The following MCF2L2 variants were observed in gnomAD, a reference collection of about 807,000 sequenced individuals.
MCF2L2 encodes the protein MCF.2 cell line derived transforming sequence-like 2.
Under a neutral mutation model 150.2 loss-of-function variants are expected in MCF2L2, and 102 were observed. The observed-to-expected ratio is 0.68, with a 90% CI of 0.58 to 0.80. MCF2L2 has a LOEUF of 0.80. MCF2L2 is among the 30% of genes least tolerant of loss of function. The pLI is 0.00. For missense variants in MCF2L2, 1,256 were observed against 1,372.8 expected (o/e 0.91, Z 1.34); for synonymous variants, 465 against 491.3 (o/e 0.95, Z 0.71).
intron 3 of MCF2L2, among the ~76,000 whole-genome samples, chr3:183,350,924 T>C (rs1731090566): frequency 6.6e-6 from 1 of 151,292 alleles, no homozygotes; most frequent in African/African-American, 2.4e-5. Context: ...AAAAGAGTCA[T>C]TAGAAGTCTT....
intron 15 of MCF2L2, among the ~76,000 whole-genome samples, chr3:183,234,687 C>G (rs76398763): frequency 1.2e-5 from 1 of 84,248 alleles, no homozygotes; most frequent in Non-Finnish European, 2.2e-5. Flanking sequence ...ATGTATGACT[C>G]TTTTTTTTTT....
At chr3:183,382,059 T>TATG (rs1187683748) in intron 2 of MCF2L2, among the ~76,000 whole-genome samples, 1 of 151,326 alleles carries the variant, frequency 6.6e-6, no homozygotes, top group African/African-American at 2.4e-5. Flanking sequence ...CTTTTATTAT[T>TATG]ATTATTATTA....
chr3:183,279,350 A>C (rs1281229742), intron 14 of MCF2L2, among the ~76,000 whole-genome samples: 5 of 152,206 alleles, frequency 3.3e-5, no homozygotes, highest in Admixed American at 3.3e-4. Flanking sequence ...GAGCATATTC[A>C]AGTAAAACCT....
At chr3:183,193,353 C>CTTTTTTT (rs1270176096) in intron 26 of MCF2L2, among the ~76,000 whole-genome samples, 1 of 109,338 alleles carries the variant, frequency 9.1e-6, no homozygotes, top group African/African-American at 5.2e-5. Flanking sequence ...TTTTCTTTTT[C>CTTTTTTT]TTTCTTTTTT....
intron 5 of MCF2L2, among the ~76,000 whole-genome samples, chr3:183,323,965 G>A (rs1729923199): frequency 1.3e-5 from 2 of 152,148 alleles, no homozygotes; most frequent in African/African-American, 4.8e-5. Context: ...TGCTTTACGT[G>A]AATTTTCAGT....
At chr3:183,223,463 A>G (rs1723218534) in intron 19 of MCF2L2, 25 bp from the exon 20 acceptor site, 1 of 1,544,620 alleles carries the variant, frequency 6.5e-7, no homozygotes, top group Non-Finnish European at 9.0e-7. Flanking sequence ...TAGAAACAAC[A>G]TAAAGCAAAA....
chr3:183,245,176 A>G (rs1382740625), intron 15 of MCF2L2, among the ~76,000 whole-genome samples: 5 of 152,202 alleles, frequency 3.3e-5, no homozygotes, highest in African/African-American at 1.2e-4. Flanking sequence ...ACAATAAATG[A>G]AACAAAGGTC....
chr3:183,363,188 G>A (rs2108568621), intron 3 of MCF2L2, among the ~76,000 whole-genome samples: 1 of 152,334 alleles, frequency 6.6e-6, no homozygotes, highest in South Asian at 2.1e-4. Context: ...GTTCACTGCT[G>A]GTGGGAATGC....
chr3:183,395,207 T>G (rs1425981902), intron 1 of MCF2L2, among the ~76,000 whole-genome samples: 1 of 152,264 alleles, frequency 6.6e-6, no homozygotes, highest in African/African-American at 2.4e-5. Flanking sequence ...TGGCATAGAC[T>G]GTGATGTTTT....
chr3:183,415,510 C>T (rs1715543642), intron 1 of MCF2L2, among the ~76,000 whole-genome samples: 1 of 152,022 alleles, frequency 6.6e-6, no homozygotes, highest in Non-Finnish European at 1.5e-5. Flanking sequence ...TCTATGTCTC[C>T]TTTCAATTCT....
At chr3:183,391,651 A>C (rs1197354326) in intron 1 of MCF2L2, among the ~76,000 whole-genome samples, 1 of 152,206 alleles carries the variant, frequency 6.6e-6, no homozygotes, top group Non-Finnish European at 1.5e-5. Context: ...CAAAATGTGG[A>C]TAATTATTGA....
rs1724997605 is a variant in MCF2L2, at chr3:183,255,834, C to T, written c.1862+21038G>A. 3.3e-5 allele frequency among the ~76,000 whole-genome samples: 5 copies of T among 149,974 alleles called. No homozygotes were observed. The South Asian group carries it at 1.0e-3, about 31-fold the overall frequency. On this transcript the variant is annotated intron_variant, in intron 15 of 29. Transcript: ENST00000328913. ...AAAAAAAAAAAAAAGAAAAAGAAAACTTTCTAATTCTCAAAAATAGAACAG... is the reference window on the plus strand; with the variant it reads ...AAAAAAAAAAAAAAGAAAAAGAAAATTTTCTAATTCTCAAAAATAGAACAG...
intron 14 of MCF2L2, among the ~76,000 whole-genome samples, chr3:183,277,564 C>T (rs1221780839): frequency 1.3e-5 from 2 of 151,816 alleles, no homozygotes; most frequent in Admixed American, 1.3e-4. Flanking sequence ...TAGGCTTTCA[C>T]AGATGCGTGA....
At chr3:183,228,264 T>C (rs770531261) in intron 18 of MCF2L2, 33 bp downstream of exon 18, 1 of 1,555,720 alleles carries the variant, frequency 6.4e-7, no homozygotes, top group Non-Finnish European at 8.9e-7. Flanking sequence ...GGGCTGACTT[T>C]AACATGATTA....
intron 3 of MCF2L2, among the ~76,000 whole-genome samples, chr3:183,346,956 C>T (rs1730923623): frequency 6.6e-6 from 1 of 152,088 alleles, no homozygotes; most frequent in South Asian, 2.1e-4. Flanking sequence ...TAGGAAGAAT[C>T]AATATCATGA....
intron 27 of MCF2L2, 141 bp downstream of exon 27, chr3:183,192,858 C>T: frequency 3.3e-6 from 2 of 612,146 alleles, no homozygotes; most frequent in Non-Finnish European, 5.8e-6. Context: ...TTTTAAACCA[C>T]ATGGTGGTAA....
intron 27 of MCF2L2, among the ~76,000 whole-genome samples, chr3:183,186,399 A>T (rs1285185924): frequency 6.6e-6 from 1 of 152,030 alleles, no homozygotes; most frequent in Admixed American, 6.6e-5. Flanking sequence ...GATTACAGAC[A>T]CCCACCACCA....
intron 3 of MCF2L2, among the ~76,000 whole-genome samples, chr3:183,364,785 C>A (rs948322505): frequency 7.2e-5 from 11 of 152,040 alleles, no homozygotes; most frequent in Non-Finnish European, 1.3e-4. Context: ...ATTTGAAAAC[C>A]TGGATATAAA....
At chr3:183,361,617 A>C (rs755679039) in intron 3 of MCF2L2, among the ~76,000 whole-genome samples, 2 of 152,182 alleles carry the variant, frequency 1.3e-5, no homozygotes, top group Non-Finnish European at 2.9e-5. Context: ...CTTCCTGTAC[A>C]ACCTGTGGAA....
Sources: gnomAD v4.1 joint callset for allele counts (sites outside exome capture counted in the v4.1 genomes callset) on GRCh38, gnomAD v4.1.1 for gene constraint, MANE v1.5 for transcripts, NCBI Gene and HGNC (gene_info 2026-07-23, HGNC 2026-07-21) for gene names.